NEK7: variants seen among roughly 807,000 people sequenced by gnomAD.
NEK7 encodes serine/threonine-protein kinase Nek7.
In NEK7, 18 loss-of-function variants were observed where a neutral mutation model predicts 44.6. The ratio of observed to expected loss-of-function variants is 0.40; its 90% CI spans 0.28 to 0.60. NEK7 has a LOEUF of 0.60. Among genes scored for constraint, NEK7 ranks in the 20% least tolerant of loss-of-function variants. The pLI is 0.38. For missense variants in NEK7, 256 were observed against 366.5 expected (o/e 0.70, Z 2.46); for synonymous variants, 130 against 121.1 (o/e 1.07, Z -0.48).
At chr1:198,275,490 G>A (rs1181459919) in intron 5 of NEK7, among the ~76,000 whole-genome samples, 1 of 148,588 alleles carries the variant, frequency 6.7e-6, no homozygotes, top group East Asian at 2.0e-4. Flanking sequence ...TTTACACGTT[G>A]GCATTAGATT....
chr1:198,302,820 C>T (rs1170932282), intron 9 of NEK7, among the ~76,000 whole-genome samples: 1 of 152,104 alleles, frequency 6.6e-6, no homozygotes, highest in African/African-American at 2.4e-5. Context: ...GAGACCTAGA[C>T]AATGTTTAGA....
rs1654140674 is a variant in NEK7 at position 198,279,862 on chromosome 1, C to T, written c.589+801C>T. 2.0e-5 allele frequency among the ~76,000 whole-genome samples: 3 copies of T among 151,858 alleles called. No individual in the cohort carries two copies. The South Asian group carries it at 6.2e-4, about 32-fold the overall frequency. On this transcript the variant is annotated intron_variant, in intron 7 of 9. Coordinates refer to ENST00000367385, the MANE Select transcript of NEK7 (RefSeq NM_133494.3). ...TTTGTTACCTAAGGTTCCGTGTGGC[C>T]TTGAACCTGTCATCGAATTTTTCTA... is the stretch of plus-strand genomic sequence containing the variant.
chr1:198,210,209 C>A (rs1665722296), intron 1 of NEK7, among the ~76,000 whole-genome samples: 1 of 152,108 alleles, frequency 6.6e-6, no homozygotes, highest in African/African-American at 2.4e-5. Context: ...ATCCTCCTGC[C>A]TCACCTCCTG....
chr1:198,296,025 C>G (rs1157397239), intron 8 of NEK7, among the ~76,000 whole-genome samples: 1 of 152,088 alleles, frequency 6.6e-6, no homozygotes, highest in Non-Finnish European at 1.5e-5. Flanking sequence ...GTTTTGATTT[C>G]CAATCCCATC....
At chr1:198,318,784 GAATAA>G (rs1043290019) in intron 9 of NEK7, among the ~76,000 whole-genome samples, 13 of 151,962 alleles carry the variant, frequency 8.6e-5, no homozygotes, top group African/African-American at 3.1e-4. Context: ...GATATAAATA[GAATAA>G]AATAGTAAAC....
intron 4 of NEK7, among the ~76,000 whole-genome samples, chr1:198,263,462 C>CT (rs1196606499): frequency 6.6e-6 from 1 of 151,866 alleles, no homozygotes; most frequent in Non-Finnish European, 1.5e-5. Context: ...GTCACCCATA[C>CT]TTTCTGCATA....
chr1:198,314,237 C>G (rs1339121101), intron 9 of NEK7, among the ~76,000 whole-genome samples: 2 of 152,192 alleles, frequency 1.3e-5, no homozygotes, highest in East Asian at 1.9e-4. Flanking sequence ...GCTCCTGAGG[C>G]TTCTGCATTC....
Position 198,252,568 on chromosome 1 carries a change from A to ATATATATATATATATATAT in NEK7, c.58-472_58-471insTATATATATATATATATAT, listed in dbSNP as rs1491101432. 7.9e-5 allele frequency among the ~76,000 whole-genome samples: 5 copies of ATATATATATATATATATAT among 63,300 alleles called. 1 individual carries two copies. Among genetic ancestry groups the ATATATATATATATATATAT allele is most frequent in the South Asian group, 1.4e-3 (2 of 1,382 alleles). 41.5% of individuals were successfully genotyped at this position (63,300 alleles called of 152,430 possible). A position where few individuals can be genotyped will look rare whatever the true frequency, so the allele number is the denominator to read the frequency against. ...TATATATATATATATATATATATATAAAAAGTACATATATACACATATATA... is the reference window on the plus strand; with the variant it reads ...TATATATATATATATATATATATATATATATATATATATATATATAAAAGTACATATATACACATATATA... On this transcript the variant is annotated intron_variant, in intron 2 of 9. Transcript: ENST00000367385.
chr1:198,315,211 G>C (rs981134977), intron 9 of NEK7, among the ~76,000 whole-genome samples: 13 of 152,314 alleles, frequency 8.5e-5, no homozygotes, highest in Admixed American at 7.2e-4. Flanking sequence ...GGTGCCGTCT[G>C]TCACCCCTTT....
intron 1 of NEK7, among the ~76,000 whole-genome samples, chr1:198,190,505 T>C (rs1000090231): frequency 4.0e-5 from 6 of 150,282 alleles, no homozygotes; most frequent in Admixed American, 2.1e-4. Context: ...ACAGTTTTAC[T>C]AAATAAAATT....
chr1:198,304,405 T>C (rs1395738681), intron 9 of NEK7, among the ~76,000 whole-genome samples: 2 of 152,184 alleles, frequency 1.3e-5, no homozygotes, highest in Non-Finnish European at 2.9e-5. Context: ...CTCCAAAATA[T>C]AATGTACTTT....
intron 1 of NEK7, among the ~76,000 whole-genome samples, chr1:198,218,344 C>T (rs569698747): frequency 2.0e-4 from 30 of 151,770 alleles, no homozygotes; most frequent in African/African-American, 7.0e-4. Flanking sequence ...TGATAAATGG[C>T]GCTGGGAAAA....
chr1:198,217,716 T>G (rs1366781180), intron 1 of NEK7, among the ~76,000 whole-genome samples: 2 of 151,552 alleles, frequency 1.3e-5, no homozygotes, highest in Non-Finnish European at 3.0e-5. Flanking sequence ...CACTCCTAGA[T>G]CTAATAAATG....
At chr1:198,157,568 G>A (rs1019634415) in intron 1 of NEK7, among the ~76,000 whole-genome samples, 13 of 152,262 alleles carry the variant, frequency 8.5e-5, no homozygotes, top group African/African-American at 3.1e-4. Flanking sequence ...CCGTGGCCAC[G>A]GCGGCGGCGG....
intron 5 of NEK7, among the ~76,000 whole-genome samples, chr1:198,271,351 T>TG (rs1558088433): frequency 6.6e-6 from 1 of 152,026 alleles, no homozygotes; most frequent in South Asian, 2.1e-4. Context: ...CTTGAGAATT[T>TG]GGGGGAGTGA....
In NEK7 at chr1:198,192,710, A is replaced by T. The variant is rs183268017; in HGVS notation, c.-29+35434A>T. Reference sequence around the variant, plus strand: ...AAATTGAACAGCCTGCTCCTGAATGACTCCTGGGTAAATAATGAAATTAAG... The same window carrying T: ...AAATTGAACAGCCTGCTCCTGAATGTCTCCTGGGTAAATAATGAAATTAAG... On this transcript the variant is annotated intron_variant, in intron 1 of 9. Transcript: ENST00000367385. 4.3e-3 allele frequency among the ~76,000 whole-genome samples: 659 copies of T among 152,180 alleles called. 4 individuals carry two copies. Among genetic ancestry groups the T allele is most frequent in the African/African-American group, 0.015 (639 of 41,508 alleles).
intron 9 of NEK7, among the ~76,000 whole-genome samples, chr1:198,306,592 A>G (rs1386162174): frequency 6.6e-6 from 1 of 152,158 alleles, no homozygotes; most frequent in Non-Finnish European, 1.5e-5. Context: ...CTACGATCTT[A>G]AAGTGGTATT....
chr1:198,266,699 A>G (rs1653665452), intron 5 of NEK7, among the ~76,000 whole-genome samples: 1 of 152,090 alleles, frequency 6.6e-6, no homozygotes, highest in Non-Finnish European at 1.5e-5. Context: ...CAGTGTTGTT[A>G]TGATGGTTAA....
intron 1 of NEK7, among the ~76,000 whole-genome samples, chr1:198,173,458 T>A (rs1236209127): frequency 6.6e-6 from 1 of 151,942 alleles, no homozygotes; most frequent in Non-Finnish European, 1.5e-5. Context: ...GGACAGCTTT[T>A]TTGAAAGGTA....
Sources: allele counts gnomAD v4.1 joint callset (sites outside exome capture counted in the v4.1 genomes callset), GRCh38; gene constraint gnomAD v4.1.1; transcripts MANE v1.5; gene names NCBI Gene and HGNC (gene_info 2026-07-23, HGNC 2026-07-21).